The following GRPEL1 variants were observed in gnomAD, a reference collection of about 807,000 sequenced individuals.
The protein encoded by GRPEL1 is grpE protein homolog 1, mitochondrial.
A neutral mutation model predicts 22.1 loss-of-function variants in GRPEL1; 13 were observed. That is an observed-to-expected ratio of 0.59 (90% CI 0.38 to 0.94). GRPEL1 has a LOEUF of 0.94. GRPEL1 is among the 40% of genes least tolerant of loss of function. The probability of loss-of-function intolerance (pLI) is 0.00; values close to 1 mark genes in which losing one functional copy is unlikely to be tolerated. For missense variants in GRPEL1, 289 were observed against 264.6 expected (o/e 1.09, Z -0.64); for synonymous variants, 109 against 105.3 (o/e 1.03, Z -0.21).
Position 7,060,872 on chromosome 4 carries a change from T to C in GRPEL1, c.644A>G (p.Lys215Arg), listed in dbSNP as rs1233348238. ...TLRPALVGVV[K>R]EA ...CCCCATCAACAGCAGCTAAGCTTCC[T>C]TCACCACCCCCACCAGGGCGGGTCT... Residue 215 changes from lysine (K) to arginine (R), a missense_variant, in exon 4 of 4, where the codon AAG becomes AGG. Lys to Arg is a conservative substitution (Grantham distance 26). Transcript: ENST00000264954. The C allele has an allele frequency of 2.5e-6, 4 of 1,610,672 alleles. No homozygotes were observed. Among genetic ancestry groups the C allele is most frequent in the Non-Finnish European group, 3.4e-6 (4 of 1,177,958 alleles).
In GRPEL1 at chr4:7,061,175, A is replaced by G. The variant is rs1470416742; in HGVS notation, c.341T>C (p.Val114Ala). The G allele has an allele frequency of 6.2e-7, 1 of 1,613,016 alleles. No individual in the cohort carries two copies. The highest frequency in any genetic ancestry group is 8.5e-7 in the Non-Finnish European group (1 of 1,179,570). Residue 114 changes from valine (V) to alanine (A), a missense_variant, in exon 4 of 4, where the codon GTG (valine) becomes GCG (alanine). Physicochemically the swap from Val to Ala is moderately conservative, Grantham distance 64 (BLOSUM62 0). Coordinates refer to ENST00000264954, the MANE Select transcript of GRPEL1 (RefSeq NM_025196.4). ...TGTTGCCTTCTCCAGAACGTCTGCCACCTCCAACAAGTCCTTGCAGAAGGC... is the reference window on the plus strand; with the variant it reads ...TGTTGCCTTCTCCAGAACGTCTGCCGCCTCCAACAAGTCCTTGCAGAAGGC... Reference protein sequence around the residue: ...IQAFCKDLLEVADVLEKATQC... With the variant: ...IQAFCKDLLEAADVLEKATQC...
At position 7,060,999 on chromosome 4, in the gene GRPEL1, A is replaced by G; in HGVS notation, c.517T>C (p.Tyr173His). 1 of 1,614,192 alleles carries G rather than the reference A, an allele frequency of 6.2e-7. No individual in the cohort carries two copies. Among genetic ancestry groups the G allele is most frequent in the Middle Eastern group, 1.6e-4 (1 of 6,062 alleles). ...LNPVGAKFDPYEHEALFHTPV... is the reference protein window; with the variant it reads ...LNPVGAKFDPHEHEALFHTPV... The stretch of plus-strand genomic sequence containing the variant: ...GTGTGGAACAAGGCCTCATGTTCAT[A>G]AGGGTCGAACTTGGCTCCGACAGGG... Residue 173 changes from tyrosine (Y) to histidine (H), a missense_variant, in exon 4 of 4, where the codon TAT becomes CAT. Tyr to His is a moderately conservative substitution (Grantham distance 83). Coordinates refer to ENST00000264954, the MANE Select transcript of GRPEL1 (RefSeq NM_025196.4).
At chr4:7,063,841 A>T (rs921059909) in intron 2 of GRPEL1, among the ~76,000 whole-genome samples, 2 of 152,248 alleles carry the variant, frequency 1.3e-5, no homozygotes, top group Non-Finnish European at 2.9e-5. Flanking sequence ...GACAAATAAC[A>T]GCGTGTAAAG....
chr4:7,062,319 T>C lies in GRPEL1; in HGVS notation c.307+66A>G, dbSNP rs760893952. On this transcript the variant is annotated intron_variant, in intron 3 of 3. Transcript: ENST00000264954. ...TTGCTCTCTGACACTTCCGTATGCA[T>C]GGCCTTCCCCTTCCCCACCCCATTA... 1.4e-5 allele frequency: 10 copies of C among 696,772 alleles called. No homozygotes were observed. The South Asian group carries it at 1.6e-4, about 11-fold the overall frequency. The allele number at this position is 696,772 out of a possible 1,614,324, so 43.2% of individuals were successfully genotyped here.
Position 7,059,992 on chromosome 4 carries a change from A to G in GRPEL1, c.*870T>C, listed in dbSNP as rs1723999145. On this transcript the variant is annotated 3_prime_UTR_variant, in exon 4 of 4. Coordinates refer to ENST00000264954, the MANE Select transcript of GRPEL1 (RefSeq NM_025196.4). Reference sequence around the variant, plus strand: ...GGCTGGAGTAGAGAATGGGAAGGCTAAGCCATGCTTGCCTCAGCGGCAAGG... The same window carrying G: ...GGCTGGAGTAGAGAATGGGAAGGCTGAGCCATGCTTGCCTCAGCGGCAAGG... 1 of 152,248 alleles carries G rather than the reference A, an allele frequency of 6.6e-6. No homozygotes were observed. The highest frequency in any genetic ancestry group is 1.5e-5 in the Non-Finnish European group (1 of 68,052). The allele number at this position is 152,248 out of a possible 1,614,324, so 9.4% of individuals were successfully genotyped here.
chr4:7,064,319 A>G, intron 1 of GRPEL1, 96 bp from the exon 2 acceptor site: 1 of 1,272,382 alleles, frequency 7.9e-7, no homozygotes, highest in Non-Finnish European at 1.1e-6. Context: ...GCTTCAAACT[A>G]TTTACTATTA....
chr4:7,060,904 G>A lies in GRPEL1; in HGVS notation c.612C>T (p.Arg204=), dbSNP rs1198326049. ...CCCCCACCAGGGCGGGTCTCAGAGT[G>A]CGCCCATGCAGCTTGTACCCCACTT... is the stretch of plus-strand genomic sequence containing the variant. ...VSKVGYKLHG[R]TLRPALVGVV... The change falls in exon 4 of 4, where the codon CGC becomes CGT. Residue 204 remains arginine, a synonymous_variant. Transcript: ENST00000264954. The A allele has an allele frequency of 4.3e-6, 7 of 1,614,006 alleles. No individual in the cohort carries two copies. Among genetic ancestry groups the A allele is most frequent in the Admixed American group, 1.7e-5 (1 of 59,988 alleles).
At chr4:7,061,379 T>C in intron 3 of GRPEL1, 171 bp from the exon 4 acceptor site, 2 of 590,092 alleles carry the variant, frequency 3.4e-6, no homozygotes, top group Non-Finnish European at 5.9e-6. Context: ...TCTCAAAAGC[T>C]ACTTGTGGGA....
Position 7,060,816 on chromosome 4 carries a change from G to A in GRPEL1, c.*46C>T. ...ATGAGAAACAATGAACCAGCCTTGA[G>A]AGTTACATCAAGTGAGTTTAAAAAC... On this transcript the variant is annotated 3_prime_UTR_variant, in exon 4 of 4. Coordinates refer to ENST00000264954, the MANE Select transcript of GRPEL1 (RefSeq NM_025196.4). 1 of 1,476,856 alleles carries A rather than the reference G, an allele frequency of 6.8e-7. No homozygotes were observed. The highest frequency in any genetic ancestry group is 9.3e-7 in the Non-Finnish European group (1 of 1,077,214). The allele number at this position is 1,476,856 out of a possible 1,614,324, so 91.5% of individuals were successfully genotyped here. A position where few individuals can be genotyped will look rare whatever the true frequency, so the allele number is the denominator to read the frequency against.
intron 1 of GRPEL1, chr4:7,067,563 G>A (rs1724199924): frequency 4.1e-6 from 1 of 243,128 alleles, no homozygotes; most frequent in Admixed American, 5.9e-5. Context: ...GCGTGACCTT[G>A]GACAAAGCTC....
intron 1 of GRPEL1, chr4:7,067,666 C>A: frequency 2.3e-6 from 1 of 434,618 alleles, no homozygotes; most frequent in South Asian, 3.9e-5. Context: ...GGCGTCGCCG[C>A]AGGCCCTGGA....
chr4:7,067,244 G>A (rs965140780), intron 1 of GRPEL1, among the ~76,000 whole-genome samples: 1 of 131,754 alleles, frequency 7.6e-6, no homozygotes, highest in Admixed American at 8.4e-5. Flanking sequence ...AAAAGCAGAA[G>A]GGGCAGATTT....
rs953263138 is a variant in GRPEL1 at position 7,058,931 on chromosome 4, T to C, written c.*1931A>G. On this transcript the variant is annotated 3_prime_UTR_variant, in exon 4 of 4. Coordinates refer to ENST00000264954, the MANE Select transcript of GRPEL1 (RefSeq NM_025196.4). ...TTTGCACTGTACCTTTACTATGTTA[T>C]GTTCAGATACACAGATACCATTGTG... The C allele has an allele frequency of 6.6e-6, 1 of 152,250 alleles. No homozygotes were observed. The highest frequency in any genetic ancestry group is 1.5e-5 in the Non-Finnish European group (1 of 68,048). The allele number at this position is 152,250 out of a possible 1,614,324, so 9.4% of individuals were successfully genotyped here. A position where few individuals can be genotyped will look rare whatever the true frequency, so the allele number is the denominator to read the frequency against.
At chr4:7,063,159 G>A (rs1219205553) in intron 2 of GRPEL1, among the ~76,000 whole-genome samples, 3 of 148,948 alleles carry the variant, frequency 2.0e-5, no homozygotes, top group Admixed American at 6.7e-5. Flanking sequence ...GTGTAATCTC[G>A]GCTCACTGCA....
At chr4:7,067,930 C>T (rs768077104) in intron 1 of GRPEL1, 41 bp downstream of exon 1, 2 of 1,593,682 alleles carry the variant, frequency 1.3e-6, no homozygotes, top group Non-Finnish European at 1.7e-6. Flanking sequence ...AGCGGGAGGT[C>T]GCGCTGCCAC....
At chr4:7,067,825 C>G in intron 1 of GRPEL1, 146 bp downstream of exon 1, 1 of 813,502 alleles carries the variant, frequency 1.2e-6, no homozygotes, top group Non-Finnish European at 2.0e-6. Flanking sequence ...CGGGGCGGTC[C>G]GCGTCCCGCG....
At chr4:7,067,805 C>G (rs912171569) in intron 1 of GRPEL1, among the ~76,000 whole-genome samples, 166 bp downstream of exon 1, 5 of 152,256 alleles carry the variant, frequency 3.3e-5, no homozygotes, top group Non-Finnish European at 7.3e-5. Context: ...GGCAGCAGAG[C>G]AGGCCCCAGC....
rs1377146249 is a variant in GRPEL1 at position 7,060,866 on chromosome 4, G to GCTTC, written c.646_649dup (p.Ala217GlyfsTer16). On this transcript the variant is annotated frameshift_variant, in exon 4 of 4. Coordinates refer to ENST00000264954, the MANE Select transcript of GRPEL1 (RefSeq NM_025196.4). LOFTEE classifies it high-confidence loss of function. ...CACCCACCCCATCAACAGCAGCTAA[G>GCTTC]CTTCCTTCACCACCCCCACCAGGGC... 6.2e-7 allele frequency: 1 copy of GCTTC among 1,609,044 alleles called. No homozygotes were observed. Among genetic ancestry groups the GCTTC allele is most frequent in the Non-Finnish European group, 8.5e-7 (1 of 1,177,112 alleles).
At chr4:7,066,530 TG>T (rs1023908547) in intron 1 of GRPEL1, among the ~76,000 whole-genome samples, 1 of 152,322 alleles carries the variant, frequency 6.6e-6, no homozygotes, top group East Asian at 1.9e-4. Flanking sequence ...AGTCTTGCCA[TG>T]GGGGTGGAGA....
Sources: gnomAD v4.1 joint callset for allele counts (sites outside exome capture counted in the v4.1 genomes callset) on GRCh38, gnomAD v4.1.1 for gene constraint, MANE v1.5 for transcripts, NCBI Gene and HGNC (gene_info 2026-07-23, HGNC 2026-07-21) for gene names.